HPS4: variants seen among roughly 807,000 people sequenced by gnomAD.
HPS4 encodes BLOC-3 complex member HPS4.
In HPS4, 44 loss-of-function variants were observed where a neutral mutation model predicts 70.3. The ratio of observed to expected loss-of-function variants is 0.63; its 90% confidence interval spans 0.49 to 0.80. HPS4 has a LOEUF of 0.80. Ranked by LOEUF, HPS4 falls within the 30% of genes least tolerant of loss-of-function variation. The pLI is 0.00. For missense variants in HPS4, 873 were observed against 884.4 expected (o/e 0.99, Z 0.16); for synonymous variants, 377 against 355.9 (o/e 1.06, Z -0.67).
Position 26,452,981 on chromosome 22 carries a change from C to T in HPS4, c.*252G>A, listed in dbSNP as rs2085455666. 6.0e-6 allele frequency: 3 copies of T among 497,882 alleles called. No homozygotes were observed. Among genetic ancestry groups the T allele is most frequent in the East Asian group, 3.7e-5 (1 of 27,126 alleles). 30.8% of individuals were successfully genotyped at this position (497,882 alleles called of 1,614,324 possible). A position where few individuals can be genotyped will look rare whatever the true frequency, so the allele number is the denominator to read the frequency against. The stretch of plus-strand genomic sequence containing the variant: ...AGTATGGCAGAGAGGGAGCCAAGCC[C>T]GTCCCGGCCCCAACACTACCGATTA... On this transcript the variant is annotated 3_prime_UTR_variant, in exon 14 of 14. Coordinates refer to ENST00000398145, the MANE Select transcript of HPS4 (RefSeq NM_022081.6).
chr22:26,472,956 C>G lies in HPS4; in HGVS notation c.277-17G>C, dbSNP rs1472363987. 1 of 1,609,228 alleles carries G rather than the reference C, an allele frequency of 6.2e-7. No homozygotes were observed. The highest frequency in any genetic ancestry group is 2.2e-5 in the East Asian group (1 of 44,838). Reference sequence around the variant, plus strand: ...GCCCAGCACCTGTAAAGAGAGAAACCAGGAAGACAAGCATCTTCCTTCTCT... The same window carrying G: ...GCCCAGCACCTGTAAAGAGAGAAACGAGGAAGACAAGCATCTTCCTTCTCT... On this transcript the variant is annotated splice_polypyrimidine_tract_variant and intron_variant, in intron 4 of 13. Transcript: ENST00000398145.
At chr22:26,448,407 T>C (rs533090124), downstream of HPS4, among the ~76,000 whole-genome samples, 1 of 152,302 alleles carries the variant, frequency 6.6e-6, no homozygotes, top group Admixed American at 6.5e-5. Flanking sequence ...CCAAAGCCCA[T>C]GTGCTCCTGC....
intron 13 of HPS4, among the ~76,000 whole-genome samples, chr22:26,457,336 C>T (rs2086336521): frequency 6.6e-6 from 1 of 151,564 alleles, no homozygotes; most frequent in Admixed American, 6.6e-5. Context: ...CCTGCCTCAG[C>T]CTCCTGAGTA....
chr22:26,476,796 A>G (rs2090609427), intron 4 of HPS4, 197 bp downstream of exon 4: 1 of 608,006 alleles, frequency 1.6e-6, no homozygotes, highest in South Asian at 1.9e-5. Flanking sequence ...AATGCAGAAT[A>G]TGTTAGAAAT....
rs2085468552 is a variant in HPS4, at chr22:26,453,061, G to A, written c.*172C>T. On this transcript the variant is annotated 3_prime_UTR_variant, in exon 14 of 14. Coordinates refer to ENST00000398145, the MANE Select transcript of HPS4 (RefSeq NM_022081.6). ...CTGCCGACCTGAAGAACTAACCCCT[G>A]CCCCCAAAACACATCCCAATCTGCA... 2.9e-6 allele frequency: 2 copies of A among 696,476 alleles called. No individual in the cohort carries two copies. The highest frequency in any genetic ancestry group is 2.4e-6 in the Non-Finnish European group (1 of 412,574). 43.1% of individuals were successfully genotyped at this position (696,476 alleles called of 1,614,324 possible). A position where few individuals can be genotyped will look rare whatever the true frequency, so the allele number is the denominator to read the frequency against.
intron 11 of HPS4, among the ~76,000 whole-genome samples, chr22:26,463,152 T>C (rs758758358): frequency 2.6e-5 from 4 of 152,206 alleles, no homozygotes; most frequent in South Asian, 2.1e-4. Flanking sequence ...GCTGTTACTA[T>C]AGCAACGAAT....
intron 8 of HPS4, chr22:26,467,675 G>A (rs1759292183): frequency 1.3e-5 from 2 of 152,166 alleles, no homozygotes; most frequent in Admixed American, 6.5e-5. Context: ...ACTAATACAT[G>A]TAAAAAGACA....
At position 26,451,459 on chromosome 22, in the gene HPS4, G is replaced by GA. The variant is rs1470378570; in HGVS notation, c.*1773dup. 2 of 152,268 alleles carry GA rather than the reference G, an allele frequency of 1.3e-5. No homozygotes were observed. The highest frequency in any genetic ancestry group is 2.9e-5 in the Non-Finnish European group (2 of 68,062). The allele number at this position is 152,268 out of a possible 1,614,324, so 9.4% of individuals were successfully genotyped here. On this transcript the variant is annotated 3_prime_UTR_variant, in exon 14 of 14. Coordinates refer to ENST00000398145, the MANE Select transcript of HPS4 (RefSeq NM_022081.6). ...AACTAAGCAGGATCAAAGGAGGAAA[G>GA]AAAGGGGCACACCTGCAAAGTGAAG... is the stretch of plus-strand genomic sequence containing the variant.
downstream of HPS4, among the ~76,000 whole-genome samples, chr22:26,450,340 A>G (rs1049677262): frequency 1.3e-5 from 2 of 152,200 alleles, no homozygotes; most frequent in Non-Finnish European, 2.9e-5. Flanking sequence ...TTAAGAACGC[A>G]GTAACTGGGC....
At chr22:26,460,574 G>A (rs1056531434) in intron 11 of HPS4, among the ~76,000 whole-genome samples, 2 of 152,208 alleles carry the variant, frequency 1.3e-5, no homozygotes, top group African/African-American at 4.8e-5. Context: ...CCACAGGCAC[G>A]GAGCTTTGCT....
intron 8 of HPS4, 25 bp downstream of exon 8, chr22:26,468,526 G>C (rs771785499): frequency 1.3e-6 from 2 of 1,598,320 alleles, no homozygotes; most frequent in South Asian, 1.1e-5. Context: ...ATGCTGTCCA[G>C]CCAGGTGGGT....
chr22:26,461,169 T>G (rs577335936), intron 11 of HPS4, among the ~76,000 whole-genome samples: 2 of 152,232 alleles, frequency 1.3e-5, no homozygotes, highest in Non-Finnish European at 2.9e-5. Flanking sequence ...GCAGGAGCAA[T>G]GCATGGAACA....
At chr22:26,475,725 AACTT>A (rs1451942863) in intron 4 of HPS4, 1 of 152,008 alleles carries the variant, frequency 6.6e-6, no homozygotes, top group East Asian at 1.9e-4. Context: ...TAATGTGTGC[AACTT>A]ACTTTGAAAA....
intron 9 of HPS4, 165 bp from the exon 10 acceptor site, chr22:26,465,716 C>T: frequency 1.6e-6 from 1 of 631,854 alleles, no homozygotes; most frequent in Non-Finnish European, 2.8e-6. Context: ...GCACCTCGAA[C>T]TCCTGGGCCC....
At chr22:26,443,462 A>C, downstream of HPS4, 2 of 432,438 alleles carry the variant, frequency 4.6e-6, no homozygotes, top group Middle Eastern at 6.7e-4. Context: ...TTCTGGCCTA[A>C]CAGCGCATTC....
chr22:26,465,463 C>G lies in HPS4; in HGVS notation c.795G>C (p.Gln265His). 6.2e-7 allele frequency: 1 copy of G among 1,610,544 alleles called. No homozygotes were observed. The highest frequency in any genetic ancestry group is 8.5e-7 in the Non-Finnish European group (1 of 1,176,702). Residue 265 changes from glutamine (Q) to histidine (H), a missense_variant, in exon 10 of 14, where the codon CAG (glutamine) becomes CAC (histidine). Transcript: ENST00000398145. Reference protein sequence around the residue: ...AISLHEFPVEQMTRSLASPAG... With the variant: ...AISLHEFPVEHMTRSLASPAG... ...TCTGTGCACTCCATTACCTTGTCAT[C>G]TGTTCCACCGGGAACTCGTGGAGAC...
chr22:26,452,756 G>A lies in HPS4; in HGVS notation c.*477C>T, dbSNP rs76496430. 1,252 of 243,976 alleles carry A rather than the reference G, an allele frequency of 5.1e-3. 16 individuals carry two copies. The highest frequency in any genetic ancestry group is 0.027 in the African/African-American group (1,178 of 43,788). The allele number at this position is 243,976 out of a possible 1,614,324, so 15.1% of individuals were successfully genotyped here. Reference sequence around the variant, plus strand: ...CGCACTGGAGAAACCTACCTGCGGCGTGGGAGTGGAGTCGGCCTGCTCACA... The same window carrying A: ...CGCACTGGAGAAACCTACCTGCGGCATGGGAGTGGAGTCGGCCTGCTCACA... On this transcript the variant is annotated 3_prime_UTR_variant, in exon 14 of 14. Coordinates refer to ENST00000398145, the MANE Select transcript of HPS4 (RefSeq NM_022081.6).
chr22:26,469,283 C>CAAAA (rs5844704), intron 7 of HPS4, among the ~76,000 whole-genome samples: 16 of 105,024 alleles, frequency 1.5e-4, no homozygotes, highest in Admixed American at 2.3e-4. Flanking sequence ...CCCATCTCTA[C>CAAAA]AAAAAAAAAA....
intron 11 of HPS4, among the ~76,000 whole-genome samples, chr22:26,463,305 C>T (rs892162662): frequency 1.2e-4 from 18 of 152,156 alleles, no homozygotes; most frequent in Non-Finnish European, 8.8e-5. Context: ...AGATCAGGTA[C>T]GATGCTGGGG....
Sources: allele counts gnomAD v4.1 joint callset (sites outside exome capture counted in the v4.1 genomes callset), GRCh38; gene constraint gnomAD v4.1.1; transcripts MANE v1.5; gene names NCBI Gene and HGNC (gene_info 2026-07-23, HGNC 2026-07-21).